Variants in ZNF316 observed in about 807,000 individuals in gnomAD.
ZNF316 encodes zinc finger protein 316.
ZNF316 carries 23 observed loss-of-function variants against 75.6 expected under a neutral mutation model. The ratio of observed to expected loss-of-function variants is 0.30; its 90% confidence interval spans 0.22 to 0.43. The LOEUF is 0.43. Ranked by LOEUF, ZNF316 falls within the 20% of genes least tolerant of loss-of-function variation. The probability of loss-of-function intolerance (pLI) is 1.00; values close to 1 mark genes in which losing one functional copy is unlikely to be tolerated. For synonymous variants in ZNF316, 827 were observed against 666.2 expected, an observed-to-expected ratio of 1.24 and a Z score of -3.72; for missense variants, 1,266 against 1,409.4, an observed-to-expected ratio of 0.90 and a Z score of 1.63.
chr7:6,650,706 G>C (rs6962444), intron 8 of ZNF316, among the ~76,000 whole-genome samples: 1 of 152,186 alleles, frequency 6.6e-6, no homozygotes, highest in Non-Finnish European at 1.5e-5. Context: ...AGGGGACCCA[G>C]GTGGGGTGAG....
At chr7:6,645,747 G>A in intron 8 of ZNF316, among the ~76,000 whole-genome samples, 1 of 151,470 alleles carries the variant, frequency 6.6e-6, no homozygotes, top group Non-Finnish European at 1.5e-5. Context: ...TGTAATCCCA[G>A]CACTTTGGGA....
At position 6,644,414 on chromosome 7, in the gene ZNF316, C is replaced by A. The variant is rs570636130; in HGVS notation, c.593-66C>A. 3.1e-5 allele frequency: 27 copies of A among 873,312 alleles called. No individual in the cohort carries two copies. The African/African-American group carries it at 4.0e-4, about 13-fold the overall frequency. 54.1% of individuals were successfully genotyped at this position (873,312 alleles called of 1,614,324 possible). ...GGAGGGGCACTGAGCGGTGGCACAG[C>A]ACGGGCTGCAGGGCAGGGGAGGGCC... is the stretch of plus-strand genomic sequence containing the variant. On this transcript the variant is annotated intron_variant, in intron 7 of 8. Transcript: ENST00000382252.
intron 2 of ZNF316, among the ~76,000 whole-genome samples, chr7:6,638,471 G>C (rs1351875281): frequency 6.6e-6 from 1 of 152,304 alleles, no homozygotes; most frequent in Middle Eastern, 3.4e-3. Context: ...TCTCTGAGTT[G>C]GGTTTCCCTG....
rs940985297 is a variant in ZNF316, at chr7:6,654,419, C to T, written c.2823C>T (p.Thr941=). The change falls in exon 9 of 9, where the codon ACC becomes ACT. Residue 941 remains threonine (T), a synonymous_variant. Coordinates refer to ENST00000382252, the MANE Select transcript of ZNF316 (RefSeq NM_001278559.2). The part of the protein sequence containing the change: ...LTHMKTHRGA[T]AAPGSGSAPA... ...ACATGAAGACGCACCGCGGAGCCAC[C>T]GCAGCGCCGGGCTCGGGTTCGGCCC... 4 of 1,210,634 alleles carry T rather than the reference C, an allele frequency of 3.3e-6. No individual in the cohort carries two copies. Among genetic ancestry groups the T allele is most frequent in the Admixed American group, 4.4e-5 (1 of 22,910 alleles). 75.0% of individuals were successfully genotyped at this position (1,210,634 alleles called of 1,614,324 possible). A position where few individuals can be genotyped will look rare whatever the true frequency, so the allele number is the denominator to read the frequency against.
Position 6,653,474 on chromosome 7 carries a change from G to T in ZNF316, c.1878G>T (p.Pro626=). 8.2e-7 allele frequency: 1 copy of T among 1,226,416 alleles called. No homozygotes were observed. Among genetic ancestry groups the T allele is most frequent in the Non-Finnish European group, 1.0e-6 (1 of 984,844 alleles). The allele number at this position is 1,226,416 out of a possible 1,614,324, so 76.0% of individuals were successfully genotyped here. A position where few individuals can be genotyped will look rare whatever the true frequency, so the allele number is the denominator to read the frequency against. Residue 626 remains proline (P), a synonymous_variant, in exon 9 of 9, where the codon CCG becomes CCT. Transcript: ENST00000382252. The part of the protein sequence containing the change: ...LGLPDFRERL[P]VDGRPLPAPL... The stretch of plus-strand genomic sequence containing the variant: ...TACCCGACTTCCGAGAGCGGCTGCC[G>T]GTCGACGGGCGCCCGCTCCCGGCGC...
rs1185342157 is a variant in ZNF316 at position 6,655,264 on chromosome 7, G to C, written c.*653G>C. 1.3e-5 allele frequency: 2 copies of C among 151,976 alleles called. No homozygotes were observed. The highest frequency in any genetic ancestry group is 2.4e-5 in the African/African-American group (1 of 41,432). 9.4% of individuals were successfully genotyped at this position (151,976 alleles called of 1,614,324 possible). A position where few individuals can be genotyped will look rare whatever the true frequency, so the allele number is the denominator to read the frequency against. On this transcript the variant is annotated 3_prime_UTR_variant, in exon 9 of 9. Transcript: ENST00000382252. ...CCTGAAGAATCTAGGAGGAGAAAAA[G>C]CCAGATACCAAACTTACGGCCAGGC... is the stretch of plus-strand genomic sequence containing the variant.
intron 8 of ZNF316, among the ~76,000 whole-genome samples, chr7:6,645,206 C>G (rs1225880010): frequency 6.6e-6 from 1 of 152,206 alleles, no homozygotes; most frequent in African/African-American, 2.4e-5. Context: ...GAACTCAACT[C>G]AGGTTCCCAC....
Position 6,653,411 on chromosome 7 carries a change from G to T in ZNF316, c.1815G>T (p.Lys605Asn). Residue 605 changes from lysine (K) to asparagine (N), a missense_variant, in exon 9 of 9, where the codon AAG (lysine) becomes AAT (asparagine). By Grantham distance (94) the Lys-to-Asn change is moderately conservative. This residue lies in a region of ZNF316 where 961 missense variants were observed against 990.9 expected (regional missense o/e 0.97). Transcript: ENST00000382252. ...GCTTCCACTTCCCCGTGCACCCCAA[G>T]TCCTGGCTGCACCCGGACAGCTTCC... ...PLGFHFPVHP[K>N]SWLHPDSFPI... The T allele has an allele frequency of 8.1e-7, 1 of 1,227,884 alleles. No individual in the cohort carries two copies. Among genetic ancestry groups the T allele is most frequent in the Non-Finnish European group, 1.0e-6 (1 of 985,870 alleles). The allele number at this position is 1,227,884 out of a possible 1,614,324, so 76.1% of individuals were successfully genotyped here. A position where few individuals can be genotyped will look rare whatever the true frequency, so the allele number is the denominator to read the frequency against.
Position 6,642,423 on chromosome 7 carries a change from A to T in ZNF316, c.14A>T (p.His5Leu). Reference sequence around the variant, plus strand: ...CTCCCAGGGAGGATGGCGGCGCTCCACACGACTCCCGACTCCCCAGCTGCC... The same window carrying T: ...CTCCCAGGGAGGATGGCGGCGCTCCTCACGACTCCCGACTCCCCAGCTGCC... MAAL[H>L]TTPDSPAAQL... Residue 5 changes from histidine to leucine, a missense_variant, in exon 5 of 9, where the codon CAC (histidine) becomes CTC (leucine). Around this residue, in one of 3 missense-constraint regions of ZNF316, gnomAD observed 961 missense variants for 990.9 expected, o/e 0.97. Transcript: ENST00000382252. The surrounding 1 kb of genome is among the most constrained non-coding windows in gnomAD (Gnocchi z 8.1). 2.4e-6 allele frequency: 3 copies of T among 1,232,126 alleles called. No homozygotes were observed. The highest frequency in any genetic ancestry group is 3.0e-6 in the Non-Finnish European group (3 of 988,056). The allele number at this position is 1,232,126 out of a possible 1,614,324, so 76.3% of individuals were successfully genotyped here. A position where few individuals can be genotyped will look rare whatever the true frequency, so the allele number is the denominator to read the frequency against.
chr7:6,653,207 A>C lies in ZNF316; in HGVS notation c.1611A>C (p.Pro537=). 1 of 1,221,142 alleles carries C rather than the reference A, an allele frequency of 8.2e-7. No individual in the cohort carries two copies. Among genetic ancestry groups the C allele is most frequent in the Non-Finnish European group, 1.0e-6 (1 of 981,442 alleles). The allele number at this position is 1,221,142 out of a possible 1,614,324, so 75.6% of individuals were successfully genotyped here. The change falls in exon 9 of 9, where the codon CCA becomes CCC. Residue 537 remains proline, a synonymous_variant. Coordinates refer to ENST00000382252, the MANE Select transcript of ZNF316 (RefSeq NM_001278559.2). The part of the protein sequence containing the change: ...AAGPEDTDPG[P]EGSEVGEADG... ...GGCCCGAGGACACGGACCCTGGGCC[A>C]GAGGGATCTGAAGTTGGCGAGGCGG...
intron 2 of ZNF316, among the ~76,000 whole-genome samples, chr7:6,638,506 T>C (rs1326649319): frequency 6.6e-6 from 1 of 152,178 alleles, no homozygotes; most frequent in Non-Finnish European, 1.5e-5. Flanking sequence ...GTGAGGAGTT[T>C]CTATCAACTT....
rs977016760 is a variant in ZNF316, at chr7:6,653,502, C to T, written c.1906C>T (p.Leu636=). ...PVDGRPLPAP[L]GGPLSLVEGT... ...CGACGGGCGCCCGCTCCCGGCGCCCCTGGGGGGCCCGCTCTCCCTGGTGGA... is the reference window on the plus strand; with the variant it reads ...CGACGGGCGCCCGCTCCCGGCGCCCTTGGGGGGCCCGCTCTCCCTGGTGGA... Residue 636 remains leucine (L), a synonymous_variant, in exon 9 of 9, where the codon CTG becomes TTG. Transcript: ENST00000382252. The T allele has an allele frequency of 4.9e-6, 6 of 1,220,746 alleles. No individual in the cohort carries two copies. Among genetic ancestry groups the T allele is most frequent in the African/African-American group, 1.6e-5 (1 of 63,764 alleles). 75.6% of individuals were successfully genotyped at this position (1,220,746 alleles called of 1,614,324 possible).
Position 6,654,597 on chromosome 7 carries a change from G to A in ZNF316, c.3001G>A (p.Glu1001Lys). The A allele has an allele frequency of 8.4e-7, 1 of 1,186,232 alleles. No homozygotes were observed. The highest frequency in any genetic ancestry group is 3.7e-5 in the East Asian group (1 of 26,962). 73.5% of individuals were successfully genotyped at this position (1,186,232 alleles called of 1,614,324 possible). Residue 1001 changes from glutamate (E) to lysine (K), a missense_variant, in exon 9 of 9, where the codon GAG becomes AAG. By Grantham distance (56) the Glu-to-Lys change is moderately conservative. Transcript: ENST00000382252. ...AFAGPSGAYR[E>K]GVL ...CGCCGGGCCCTCGGGCGCCTACCGG[G>A]AGGGCGTCCTGTGAGGGGCCCGGGG... is the stretch of plus-strand genomic sequence containing the variant.
At position 6,642,311 on chromosome 7, in the gene ZNF316, C is replaced by T. The variant is rs561024468; in HGVS notation, c.-28-71C>T. ...TGCTCCCTGCGCCCCCGCCAGGCTG[C>T]GGGAGACCCTGTGAGGGGACCGTGT... On this transcript the variant is annotated intron_variant, in intron 4 of 8. Coordinates refer to ENST00000382252, the MANE Select transcript of ZNF316 (RefSeq NM_001278559.2). The surrounding 1 kb of genome is among the most constrained non-coding windows in gnomAD (Gnocchi z 8.1). 19 of 762,968 alleles carry T rather than the reference C, an allele frequency of 2.5e-5. No homozygotes were observed. The highest frequency in any genetic ancestry group is 8.6e-4 in the Middle Eastern group (2 of 2,328). 47.3% of individuals were successfully genotyped at this position (762,968 alleles called of 1,614,324 possible). A position where few individuals can be genotyped will look rare whatever the true frequency, so the allele number is the denominator to read the frequency against.
chr7:6,644,481 A>G lies in ZNF316; in HGVS notation c.594A>G (p.Gly198=), dbSNP rs898596357. The G allele has an allele frequency of 8.1e-7, 1 of 1,232,068 alleles. No homozygotes were observed. Among genetic ancestry groups the G allele is most frequent in the Non-Finnish European group, 1.0e-6 (1 of 987,852 alleles). The allele number at this position is 1,232,068 out of a possible 1,614,324, so 76.3% of individuals were successfully genotyped here. ...QENYGILVSL[G]YPIPKPDLIF... is the part of the protein sequence containing the mutation. ...AGCCGCCGTCTGTTCTCCTGGCAGG[A>G]TACCCAATTCCCAAGCCCGATCTGA... Residue 198 remains glycine, a splice_region_variant and synonymous_variant, in exon 8 of 9, where the codon GGA becomes GGG. Transcript: ENST00000382252.
rs1002666046 is a variant in ZNF316, at chr7:6,653,352, G to C, written c.1756G>C (p.Gly586Arg). 7.8e-5 allele frequency: 96 copies of C among 1,226,002 alleles called. No individual in the cohort carries two copies. Among genetic ancestry groups the C allele is most frequent in the East Asian group, 9.5e-5 (3 of 31,490 alleles). The allele number at this position is 1,226,002 out of a possible 1,614,324, so 75.9% of individuals were successfully genotyped here. A position where few individuals can be genotyped will look rare whatever the true frequency, so the allele number is the denominator to read the frequency against. Reference protein sequence around the residue: ...RRFLELGNGLGEGEGPSSHPL... With the variant: ...RRFLELGNGLREGEGPSSHPL... ...CTTCCTGGAGCTGGGCAACGGCCTGGGGGAGGGCGAAGGCCCCTCCTCCCA... is the reference window on the plus strand; with the variant it reads ...CTTCCTGGAGCTGGGCAACGGCCTGCGGGAGGGCGAAGGCCCCTCCTCCCA... Residue 586 changes from glycine to arginine, a missense_variant, in exon 9 of 9, where the codon GGG becomes CGG. Coordinates refer to ENST00000382252, the MANE Select transcript of ZNF316 (RefSeq NM_001278559.2).
chr7:6,654,554 C>T lies in ZNF316; in HGVS notation c.2958C>T (p.Ser986=). 2.5e-6 allele frequency: 3 copies of T among 1,186,558 alleles called. No homozygotes were observed. The highest frequency in any genetic ancestry group is 2.1e-6 in the Non-Finnish European group (2 of 958,924). The allele number at this position is 1,186,558 out of a possible 1,614,324, so 73.5% of individuals were successfully genotyped here. Residue 986 remains serine, a synonymous_variant, in exon 9 of 9, where the codon TCC becomes TCT. Coordinates refer to ENST00000382252, the MANE Select transcript of ZNF316 (RefSeq NM_001278559.2). The part of the protein sequence containing the change: ...LEFAGGTSFG[S]EHQAAFAGPS... ...TCGCGGGCGGCACAAGCTTCGGCTC[C>T]GAGCACCAGGCCGCGTTCGCCGGGC...
In ZNF316 at chr7:6,657,771, G is replaced by A. The variant is rs1332971655; in HGVS notation, c.*3160G>A. ...CTGAGCCTGGGAGGCAGAGGCTGCA[G>A]TGAACTATGATTTTTCCATTGCACT... On this transcript the variant is annotated 3_prime_UTR_variant, in exon 9 of 9. Coordinates refer to ENST00000382252, the MANE Select transcript of ZNF316 (RefSeq NM_001278559.2). Among the ~76,000 whole-genome samples, 1 of 133,302 alleles carries A rather than the reference G, an allele frequency of 7.5e-6. No individual in the cohort carries two copies. The highest frequency in any genetic ancestry group is 1.5e-5 in the Non-Finnish European group (1 of 64,726). 87.5% of individuals were successfully genotyped at this position (133,302 alleles called of 152,430 possible). A position where few individuals can be genotyped will look rare whatever the true frequency, so the allele number is the denominator to read the frequency against.
rs1177787003 is a variant in ZNF316, at chr7:6,653,424, C to T, written c.1828C>T (p.Pro610Ser). 30 of 1,228,138 alleles carry T rather than the reference C, an allele frequency of 2.4e-5. No individual in the cohort carries two copies. Among genetic ancestry groups the T allele is most frequent in the African/African-American group, 3.1e-5 (2 of 64,176 alleles). The allele number at this position is 1,228,138 out of a possible 1,614,324, so 76.1% of individuals were successfully genotyped here. ...CGTGCACCCCAAGTCCTGGCTGCAC[C>T]CGGACAGCTTCCCGATCCTGGGCCT... ...FPVHPKSWLH[P>S]DSFPILGLPD... The change falls in exon 9 of 9, where the codon CCG becomes TCG. Residue 610 changes from proline (P) to serine (S), a missense_variant. Pro to Ser is a moderately conservative substitution (Grantham distance 74). Coordinates refer to ENST00000382252, the MANE Select transcript of ZNF316 (RefSeq NM_001278559.2).
Sources: gnomAD v4.1 joint callset for allele counts (sites outside exome capture counted in the v4.1 genomes callset) on GRCh38, gnomAD v4.1.1 for gene constraint, gnomAD v4.1.1 regional missense constraint, Gnocchi (gnomAD v3.1) non-coding constraint, MANE v1.5 for transcripts, NCBI Gene and HGNC (gene_info 2026-07-23, HGNC 2026-07-21) for gene names.